The following FAF1 variants were observed in gnomAD, a reference collection of about 807,000 sequenced individuals.
The protein encoded by FAF1 is Fas associated factor 1, also known as FAS-associated factor 1.
In FAF1, 25 loss-of-function variants were observed where a neutral mutation model predicts 92.5. The ratio of observed to expected loss-of-function variants is 0.27; its 90% CI spans 0.20 to 0.38. FAF1 has a LOEUF of 0.38. Among genes scored for constraint, FAF1 ranks in the 10% least tolerant of loss-of-function variants. FAF1 has a pLI of 1.00. For synonymous variants in FAF1, 234 were observed against 273.2 expected (o/e 0.86, Z 1.42); for missense variants, 636 against 793.3 (o/e 0.80, Z 2.38).
intron 13 of FAF1, among the ~76,000 whole-genome samples, chr1:50,546,559 T>A (rs1649027198): frequency 6.6e-6 from 1 of 151,884 alleles, no homozygotes; most frequent in South Asian, 2.1e-4. Context: ...AGAGATGGGG[T>A]TTCACCATGT....
chr1:50,644,137 G>GT (rs1321597602), intron 8 of FAF1, among the ~76,000 whole-genome samples: 2 of 152,110 alleles, frequency 1.3e-5, no homozygotes, highest in Non-Finnish European at 2.9e-5. Context: ...GCTGGACTTT[G>GT]TTTTTAGAGG....
intron 15 of FAF1, among the ~76,000 whole-genome samples, chr1:50,513,027 G>A (rs372548756): frequency 6.6e-6 from 1 of 152,164 alleles, no homozygotes; most frequent in East Asian, 1.9e-4. Flanking sequence ...TGAGGGCCCA[G>A]AGCAAGCCTC....
chr1:50,446,102 T>TG (rs1469108610), intron 18 of FAF1, among the ~76,000 whole-genome samples: 1 of 152,052 alleles, frequency 6.6e-6, no homozygotes, highest in Non-Finnish European at 1.5e-5. Flanking sequence ...TTTGGGGTTG[T>TG]GGGGGGGAAG....
rs1190913649 is a variant in FAF1 at position 50,891,390 on chromosome 1, C to T, written c.46-33393G>A. Among the ~76,000 whole-genome samples, 7 of 152,264 alleles carry T rather than the reference C, an allele frequency of 4.6e-5. No individual in the cohort carries two copies. In the East Asian group the frequency reaches 5.8e-4, roughly 13 times the overall value. On this transcript the variant is annotated intron_variant, in intron 1 of 18. Coordinates refer to ENST00000396153, the MANE Select transcript of FAF1 (RefSeq NM_007051.3). ...AGTCATTCTCCATCCAGCTTTGTTC[C>T]GTTGCTGGTGAGGAGCTTCATTCCT...
chr1:50,817,260 G>A (rs542024651), intron 2 of FAF1, among the ~76,000 whole-genome samples: 22 of 152,056 alleles, frequency 1.4e-4, no homozygotes, highest in Admixed American at 2.6e-4. Flanking sequence ...ATCAACAGAC[G>A]GATAAGCAAA....
intron 2 of FAF1, among the ~76,000 whole-genome samples, chr1:50,842,276 A>G (rs1289832653): frequency 1.3e-5 from 2 of 152,068 alleles, no homozygotes; most frequent in African/African-American, 4.8e-5. Flanking sequence ...CAAATGGTGT[A>G]AGGGAGGTAG....
At chr1:50,602,623 C>A (rs752120472) in intron 8 of FAF1, among the ~76,000 whole-genome samples, 24 of 151,862 alleles carry the variant, frequency 1.6e-4, no homozygotes, top group Non-Finnish European at 3.1e-4. Flanking sequence ...CTGCCTCAGC[C>A]TCCTGAGTAC....
chr1:50,608,489 A>G lies in FAF1; in HGVS notation c.745-12273T>C, dbSNP rs143767260. ...TTGGAAGTCTGCCCAGGCCATAACC[A>G]TGTATGACATTTCTGTTCTGTTCAC... is the stretch of plus-strand genomic sequence containing the variant. On this transcript the variant is annotated intron_variant, in intron 8 of 18. Transcript: ENST00000396153. 3.9e-5 allele frequency among the ~76,000 whole-genome samples: 6 copies of G among 152,326 alleles called. No individual in the cohort carries two copies. In the East Asian group the frequency reaches 1.2e-3, roughly 29 times the overall value.
chr1:50,513,317 C>CA (rs1647161348), intron 15 of FAF1, among the ~76,000 whole-genome samples: 1 of 152,136 alleles, frequency 6.6e-6, no homozygotes, highest in East Asian at 1.9e-4. Context: ...CTGTCTCTAC[C>CA]AGAAAAAAAT....
chr1:50,891,190 T>C (rs1644716831), intron 1 of FAF1, among the ~76,000 whole-genome samples: 1 of 152,232 alleles, frequency 6.6e-6, no homozygotes, highest in Non-Finnish European at 1.5e-5. Flanking sequence ...GTAGTTCTTG[T>C]GCCACGGTTT....
intron 6 of FAF1, among the ~76,000 whole-genome samples, chr1:50,723,991 C>G (rs867583458): frequency 2.7e-4 from 41 of 152,028 alleles, no homozygotes; most frequent in African/African-American, 9.9e-4. Flanking sequence ...TCAGGTGATC[C>G]ACCTGCCTTG....
intron 18 of FAF1, among the ~76,000 whole-genome samples, chr1:50,447,635 C>T (rs182793035): frequency 3.2e-4 from 49 of 152,324 alleles, no homozygotes; most frequent in Admixed American, 2.8e-3. Flanking sequence ...CTTTGCCACG[C>T]TGGCAGAAAA....
intron 10 of FAF1, among the ~76,000 whole-genome samples, chr1:50,584,229 C>T (rs2124020674): frequency 6.6e-6 from 1 of 152,186 alleles, no homozygotes; most frequent in Non-Finnish European, 1.5e-5. Flanking sequence ...TTCTATAGTA[C>T]ACATCTTGTA....
chr1:50,930,807 G>GA (rs111425975), intron 1 of FAF1, among the ~76,000 whole-genome samples: 1 of 151,448 alleles, frequency 6.6e-6, no homozygotes, highest in African/African-American at 2.4e-5. Flanking sequence ...TCTCAAAAAA[G>GA]AAAAAAAAGT....
At chr1:50,530,305 G>T (rs1032694951) in intron 15 of FAF1, among the ~76,000 whole-genome samples, 1 of 146,210 alleles carries the variant, frequency 6.8e-6, no homozygotes, top group African/African-American at 2.4e-5. Flanking sequence ...GTATGAGTGT[G>T]TGTGTGTGTA....
chr1:50,621,011 G>A (rs757631536), intron 8 of FAF1, among the ~76,000 whole-genome samples: 131 of 152,236 alleles, frequency 8.6e-4, no homozygotes, highest in Non-Finnish European at 1.6e-3. Flanking sequence ...ACACTTTCCG[G>A]ACCAGCCCTG....
intron 9 of FAF1, among the ~76,000 whole-genome samples, chr1:50,585,383 T>C (rs1470359290): frequency 3.3e-5 from 5 of 152,206 alleles, no homozygotes; most frequent in African/African-American, 1.2e-4. Flanking sequence ...TGAGTTGTAA[T>C]AATAATGTTT....
At chr1:50,907,138 C>G (rs1359033376) in intron 1 of FAF1, among the ~76,000 whole-genome samples, 2 of 152,148 alleles carry the variant, frequency 1.3e-5, no homozygotes, top group Non-Finnish European at 2.9e-5. Context: ...CTGAGATAAT[C>G]ATGTGGTTTT....
intron 1 of FAF1, among the ~76,000 whole-genome samples, chr1:50,911,600 G>A (rs556099774): frequency 4.4e-4 from 67 of 152,108 alleles, no homozygotes; most frequent in African/African-American, 1.5e-3. Flanking sequence ...GGGAGGCTGA[G>A]TCATGAGAAT....
Sources: gnomAD v4.1 joint callset for allele counts (sites outside exome capture counted in the v4.1 genomes callset) on GRCh38, gnomAD v4.1.1 for gene constraint, MANE v1.5 for transcripts, NCBI Gene and HGNC (gene_info 2026-07-23, HGNC 2026-07-21) for gene names.